The following PRIMPOL variants were observed in gnomAD, a reference collection of about 807,000 sequenced individuals.
PRIMPOL encodes the protein DNA-directed primase/polymerase protein.
In PRIMPOL, 54 loss-of-function variants were observed where a neutral mutation model predicts 63.6. The observed-to-expected ratio is 0.85, with a 90% CI of 0.68 to 1.07. The LOEUF is 1.07. Among genes scored for constraint, PRIMPOL ranks in the 50% least tolerant of loss-of-function variants. The probability of loss-of-function intolerance (pLI) is 0.00; values close to 1 mark genes in which losing one functional copy is unlikely to be tolerated. For synonymous variants in PRIMPOL, 197 were observed against 220.2 expected (o/e 0.89, Z 0.93); for missense variants, 610 against 648.3 (o/e 0.94, Z 0.64).
At chr4:184,693,203 T>C (rs551568258) in intron 13 of PRIMPOL, among the ~76,000 whole-genome samples, 66 of 152,320 alleles carry the variant, frequency 4.3e-4, no homozygotes, top group African/African-American at 1.4e-3. Flanking sequence ...AAATAACTGA[T>C]AGCCAGATTC....
At chr4:184,686,283 C>T (rs769275966) in intron 11 of PRIMPOL, among the ~76,000 whole-genome samples, 3 of 152,130 alleles carry the variant, frequency 2.0e-5, no homozygotes, top group Non-Finnish European at 4.4e-5. Context: ...AGGCTGTGGG[C>T]AGGGAGCAGT....
chr4:184,652,286 T>C lies in PRIMPOL; in HGVS notation c.-60+186T>C, dbSNP rs186248621. Among the ~76,000 whole-genome samples, 172 of 152,274 alleles carry C rather than the reference T, an allele frequency of 1.1e-3. 1 individual carries two copies. Among genetic ancestry groups the C allele is most frequent in the Admixed American group, 3.5e-3 (54 of 15,302 alleles). ...CGTTAGTTTACCTGTGTGAGTTGAA[T>C]GTTGCTATGAATCATTATCCCTGTG... is the stretch of plus-strand genomic sequence containing the variant. On this transcript the variant is annotated intron_variant, in intron 2 of 13. Transcript: ENST00000314970.
At chr4:184,668,595 C>T (rs1750717352) in intron 6 of PRIMPOL, among the ~76,000 whole-genome samples, 1 of 152,106 alleles carries the variant, frequency 6.6e-6, no homozygotes, top group African/African-American at 2.4e-5. Flanking sequence ...GTTGTGCCTC[C>T]AGATTCACCT....
At chr4:184,693,953 G>A (rs1442032159) in intron 13 of PRIMPOL, among the ~76,000 whole-genome samples, 2 of 152,182 alleles carry the variant, frequency 1.3e-5, no homozygotes, top group Admixed American at 6.5e-5. Context: ...ACAGGCACGT[G>A]CCACTGCACT....
intron 13 of PRIMPOL, among the ~76,000 whole-genome samples, chr4:184,692,470 T>TTAA (rs1758893273): frequency 1.7e-4 from 2 of 11,792 alleles, no homozygotes; most frequent in East Asian, 0.012. Context: ...CGACTCTGCC[T>TTAA]CAAAAAAAAA....
rs372804138 is a variant in PRIMPOL at position 184,666,075 on chromosome 4, G to A, written c.556+11G>A. The A allele has an allele frequency of 7.4e-5, 117 of 1,575,620 alleles. No individual in the cohort carries two copies. In the African/African-American group the frequency reaches 1.3e-3, roughly 18 times the overall value. On this transcript the variant is annotated intron_variant, in intron 6 of 13. Transcript: ENST00000314970. ...ATAATATTCATGTTGGTAAGTACAC[G>A]GCTTTTTAAAAATCATGGAGTTGTA...
rs1749794713 is a variant in PRIMPOL, at chr4:184,666,060, T to G, written c.552T>G (p.His184Gln). The G allele has an allele frequency of 6.2e-7, 1 of 1,602,092 alleles. No homozygotes were observed. The highest frequency in any genetic ancestry group is 1.1e-5 in the South Asian group (1 of 88,846). The part of the protein sequence containing the change: ...LHDVAFKDNI[H>Q]VGNFLRKILQ... ...ATGTGGCATTTAAAGATAATATTCATGTTGGTAAGTACACGGCTTTTTAAA... is the reference window on the plus strand; with the variant it reads ...ATGTGGCATTTAAAGATAATATTCAGGTTGGTAAGTACACGGCTTTTTAAA... Residue 184 changes from histidine to glutamine, a missense_variant, in exon 6 of 14, where the codon CAT becomes CAG. This residue lies in a region of PRIMPOL where 444 missense variants were observed against 456.4 expected (regional missense o/e 0.97). Coordinates refer to ENST00000314970, the MANE Select transcript of PRIMPOL (RefSeq NM_152683.4).
At chr4:184,691,147 T>C (rs1296661629) in intron 11 of PRIMPOL, among the ~76,000 whole-genome samples, 1 of 152,236 alleles carries the variant, frequency 6.6e-6, no homozygotes, top group Admixed American at 6.5e-5. Context: ...TATAAATTAC[T>C]GAGAGTATGT....
At chr4:184,678,525 CTTTTT>C (rs767532493) in intron 8 of PRIMPOL, 131 bp downstream of exon 8, 937 of 337,066 alleles carry the variant, frequency 2.8e-3, no homozygotes, top group Middle Eastern at 4.6e-3. Context: ...TCTTACAGCT[CTTTTT>C]TTTTTTTTTT....
chr4:184,684,413 G>A (rs576525342), intron 9 of PRIMPOL, among the ~76,000 whole-genome samples: 255 of 151,530 alleles, frequency 1.7e-3, no homozygotes, highest in African/African-American at 5.6e-3. Context: ...CCGAGATCGC[G>A]CCACTGCACT....
intron 6 of PRIMPOL, 34 bp downstream of exon 6, chr4:184,666,098 GTATTCAAAACTCA>G (rs1307057045): frequency 6.6e-7 from 1 of 1,521,798 alleles, no homozygotes; most frequent in Non-Finnish European, 8.9e-7. Context: ...TCATGGAGTT[GTATTCAAAACTCA>G]TATGTTCTTA....
rs185229095 is a variant in PRIMPOL at position 184,672,751 on chromosome 4, G to C, written c.844+291G>C. Among the ~76,000 whole-genome samples, 5 of 152,268 alleles carry C rather than the reference G, an allele frequency of 3.3e-5. No homozygotes were observed. In the East Asian group the frequency reaches 7.7e-4, roughly 24 times the overall value. ...AGTTTTACAGGGGACAGTTGGACCAGCTTCCTCCAGGACTGCTGAGAGGTT... is the reference window on the plus strand; with the variant it reads ...AGTTTTACAGGGGACAGTTGGACCACCTTCCTCCAGGACTGCTGAGAGGTT... On this transcript the variant is annotated intron_variant, in intron 7 of 13. Transcript: ENST00000314970.
chr4:184,688,828 T>C (rs1384263932), intron 11 of PRIMPOL, among the ~76,000 whole-genome samples: 2 of 152,140 alleles, frequency 1.3e-5, no homozygotes, highest in African/African-American at 4.8e-5. Context: ...CGTTCCCCGA[T>C]TTTCTTGGTT....
intron 6 of PRIMPOL, 116 bp from the exon 7 acceptor site, chr4:184,672,057 C>T (rs1207820232): frequency 4.9e-6 from 5 of 1,010,120 alleles, no homozygotes; most frequent in Non-Finnish European, 7.4e-6. Flanking sequence ...AGTTTTGAAA[C>T]CAGAAATCAA....
intron 1 of PRIMPOL, among the ~76,000 whole-genome samples, chr4:184,651,534 G>C (rs1445907615): frequency 3.3e-5 from 5 of 152,174 alleles, no homozygotes; most frequent in African/African-American, 1.2e-4. Context: ...GGTTGAACTA[G>C]TCCTTATCCT....
rs746395188 is a variant in PRIMPOL at position 184,672,283 on chromosome 4, C to A, written c.667C>A (p.Pro223Thr). 4 of 1,614,052 alleles carry A rather than the reference C, an allele frequency of 2.5e-6. No homozygotes were observed. In the South Asian group the frequency reaches 4.4e-5, roughly 18 times the overall value. Residue 223 changes from proline (P) to threonine (T), a missense_variant, in exon 7 of 14, where the codon CCT (proline) becomes ACT (threonine). Pro to Thr is a conservative substitution (Grantham distance 38). Coordinates refer to ENST00000314970, the MANE Select transcript of PRIMPOL (RefSeq NM_152683.4). ...TGGATTTCCCCATTTTTCAGAAGCA[C>A]CTGCAAGACAAGGATTTTCTTTCAA... ...GHGFPHFSEA[P>T]ARQGFSFNKM...
intron 7 of PRIMPOL, among the ~76,000 whole-genome samples, chr4:184,677,367 A>G (rs1461002279): frequency 6.6e-6 from 1 of 152,072 alleles, no homozygotes; most frequent in African/African-American, 2.4e-5. Flanking sequence ...TTGGCTCAGC[A>G]CTGTTTGTTG....
chr4:184,676,385 T>TCTCTCC (rs1753416143), intron 7 of PRIMPOL, among the ~76,000 whole-genome samples: 1 of 73,578 alleles, frequency 1.4e-5, no homozygotes, highest in Non-Finnish European at 2.7e-5. Flanking sequence ...CTTCCCTTCC[T>TCTCTCC]TTCCCTTCCC....
intron 11 of PRIMPOL, among the ~76,000 whole-genome samples, chr4:184,685,888 G>C (rs898361643): frequency 6.6e-6 from 1 of 151,886 alleles, no homozygotes; most frequent in Non-Finnish European, 1.5e-5. Flanking sequence ...TGCAACCTCC[G>C]CCTCCTGGGT....
Sources: gnomAD v4.1 joint callset for allele counts (sites outside exome capture counted in the v4.1 genomes callset) on GRCh38, gnomAD v4.1.1 for gene constraint, gnomAD v4.1.1 regional missense constraint, MANE v1.5 for transcripts, NCBI Gene and HGNC (gene_info 2026-07-23, HGNC 2026-07-21) for gene names.